Variants in ICMT observed in about 807,000 individuals in gnomAD.
ICMT encodes the protein protein-S-isoprenylcysteine O-methyltransferase.
ICMT carries 10 observed loss-of-function variants against 32.2 expected under a neutral mutation model. The observed-to-expected ratio is 0.31, with a 90% CI of 0.19 to 0.53. The LOEUF (loss-of-function observed/expected upper bound fraction) is 0.53. Among genes scored for constraint, ICMT ranks in the 20% least tolerant of loss-of-function variants. The pLI, the probability that ICMT is intolerant of heterozygous loss-of-function variation, is 0.96. For missense variants in ICMT, 265 were observed against 356.9 expected (o/e 0.74, Z 2.07); for synonymous variants, 183 against 158.2 (o/e 1.16, Z -1.18).
chr1:6,235,266 C>G (rs1053360399), intron 1 of ICMT, among the ~76,000 whole-genome samples: 3 of 152,202 alleles, frequency 2.0e-5, no homozygotes, highest in Non-Finnish European at 4.4e-5. Context: ...ACACTTAAGA[C>G]TAACTGCTAC....
chr1:6,234,648 G>C (rs1286400215), intron 2 of ICMT: 5 of 556,078 alleles, frequency 9.0e-6, no homozygotes, highest in Non-Finnish European at 1.3e-5. Flanking sequence ...GCGGATGACA[G>C]CACCTTTGGG....
At chr1:6,235,108 G>A (rs553577614) in intron 1 of ICMT, 134 bp from the exon 2 acceptor site, 14 of 664,702 alleles carry the variant, frequency 2.1e-5, no homozygotes, top group Middle Eastern at 3.9e-4. Context: ...GGGAGAAGTG[G>A]GCGACCTGGG....
rs918321989 is a variant in ICMT, at chr1:6,223,896, A to C, written c.*1184T>G. 7 of 152,258 alleles carry C rather than the reference A, an allele frequency of 4.6e-5. No individual in the cohort carries two copies. The highest frequency in any genetic ancestry group is 1.4e-4 in the African/African-American group (6 of 41,466). The allele number at this position is 152,258 out of a possible 1,614,324, so 9.4% of individuals were successfully genotyped here. On this transcript the variant is annotated 3_prime_UTR_variant, in exon 5 of 5. Transcript: ENST00000343813. ...CAAGTTCCTGTCTAGTCCAGAATGA[A>C]GCCAGCGTCTCACCTCTTAAAGCTT...
At chr1:6,233,671 T>C (rs1490379331) in intron 2 of ICMT, 28 bp from the exon 3 acceptor site, 2 of 1,595,908 alleles carry the variant, frequency 1.3e-6, no homozygotes, top group African/African-American at 1.3e-5. Context: ...GAGAGTTAAG[T>C]TGGGACAAGA....
At chr1:6,235,035 C>G in intron 1 of ICMT, 61 bp from the exon 2 acceptor site, 1 of 1,397,216 alleles carries the variant, frequency 7.2e-7, no homozygotes, top group East Asian at 2.3e-5. Flanking sequence ...ATCTGGGCTG[C>G]TGACCTTCCC....
At chr1:6,230,656 G>A (rs977167777) in intron 4 of ICMT, among the ~76,000 whole-genome samples, 5 of 149,382 alleles carry the variant, frequency 3.3e-5, no homozygotes, top group Admixed American at 2.0e-4. Context: ...TTGGGAGGCC[G>A]AGGCGGGCAG....
At chr1:6,230,029 G>C (rs1230419664) in intron 4 of ICMT, among the ~76,000 whole-genome samples, 1 of 151,688 alleles carries the variant, frequency 6.6e-6, no homozygotes, top group East Asian at 1.9e-4. Flanking sequence ...CACCATGCCT[G>C]GCCTAATCCC....
Position 6,225,270 on chromosome 1 carries a change from A to T in ICMT, c.673-8T>A. 6.2e-7 allele frequency: 1 copy of T among 1,611,370 alleles called. No individual in the cohort carries two copies. Among genetic ancestry groups the T allele is most frequent in the Non-Finnish European group, 8.5e-7 (1 of 1,178,980 alleles). On this transcript the variant is annotated splice_region_variant and splice_polypyrimidine_tract_variant and intron_variant, in intron 4 of 4. Coordinates refer to ENST00000343813, the MANE Select transcript of ICMT (RefSeq NM_012405.4). ...GGGGTTACACAGCATCACCTAACAGAGGGAGACACCAGGCTCATCAGGGTG... is the reference window on the plus strand; with the variant it reads ...GGGGTTACACAGCATCACCTAACAGTGGGAGACACCAGGCTCATCAGGGTG...
In ICMT at chr1:6,224,977, A is replaced by G; in HGVS notation, c.*103T>C. The G allele has an allele frequency of 3.8e-6, 4 of 1,066,176 alleles. No individual in the cohort carries two copies. The highest frequency in any genetic ancestry group is 3.0e-5 in the South Asian group (2 of 65,986). The allele number at this position is 1,066,176 out of a possible 1,614,324, so 66.0% of individuals were successfully genotyped here. On this transcript the variant is annotated 3_prime_UTR_variant, in exon 5 of 5. Transcript: ENST00000343813. Reference sequence around the variant, plus strand: ...ACATTCCAGAAGAGTGACTAATGACATAAAACGATTAAGAAAATCCATGTG... The same window carrying G: ...ACATTCCAGAAGAGTGACTAATGACGTAAAACGATTAAGAAAATCCATGTG...
At position 6,231,965 on chromosome 1, in the gene ICMT, T is replaced by C; in HGVS notation, c.609A>G (p.Gly203=). The C allele has an allele frequency of 3.1e-6, 5 of 1,613,418 alleles. No individual in the cohort carries two copies. The highest frequency in any genetic ancestry group is 4.2e-6 in the Non-Finnish European group (5 of 1,179,532). Residue 203 remains glycine, a synonymous_variant, in exon 4 of 5, where the codon GGA becomes GGG. Coordinates refer to ENST00000343813, the MANE Select transcript of ICMT (RefSeq NM_012405.4). ...AAGGATGCCGAAACCAAGCGTACACTCCACTGGTCACCAGAGTATGTGTAT... is the reference window on the plus strand; with the variant it reads ...AAGGATGCCGAAACCAAGCGTACACCCCACTGGTCACCAGAGTATGTGTAT... The part of the protein sequence containing the change: ...KSDTHTLVTS[G]VYAWFRHPSY...
intron 3 of ICMT, among the ~76,000 whole-genome samples, chr1:6,233,143 C>T (rs1043439885): frequency 2.0e-4 from 30 of 152,352 alleles, no homozygotes; most frequent in African/African-American, 6.5e-4. Flanking sequence ...CGTTCGCCAC[C>T]GTGCCCGGCC....
chr1:6,229,252 G>A (rs1668692938), intron 4 of ICMT, among the ~76,000 whole-genome samples: 1 of 152,208 alleles, frequency 6.6e-6, no homozygotes, highest in South Asian at 2.1e-4. Context: ...GCCAAGGCAG[G>A]CAGATCACCT....
rs187746028 is a variant in ICMT at position 6,222,827 on chromosome 1, C to G, written c.*2253G>C. On this transcript the variant is annotated 3_prime_UTR_variant, in exon 5 of 5. Transcript: ENST00000343813. ...GCCCTACTTAGAGCAGGGGAAAGAA[C>G]TTTTCCCTCAAAGAGCCGGGGCAGG... is the stretch of plus-strand genomic sequence containing the variant. The G allele has an allele frequency of 2.0e-5, 3 of 152,406 alleles. No individual in the cohort carries two copies. Among genetic ancestry groups the G allele is most frequent in the African/African-American group, 7.2e-5 (3 of 41,598 alleles). The allele number at this position is 152,406 out of a possible 1,614,324, so 9.4% of individuals were successfully genotyped here. A position where few individuals can be genotyped will look rare whatever the true frequency, so the allele number is the denominator to read the frequency against.
rs370297787 is a variant in ICMT, at chr1:6,225,068, G to C, written c.*12C>G. On this transcript the variant is annotated 3_prime_UTR_variant, in exon 5 of 5. Transcript: ENST00000343813. The stretch of plus-strand genomic sequence containing the variant: ...GGGTCGGAGGCCCCAAGGTCACCGG[G>C]GCCACTGCCCGTCACAGGTCCACCT... The C allele has an allele frequency of 2.5e-6, 4 of 1,608,950 alleles. No homozygotes were observed. Among genetic ancestry groups the C allele is most frequent in the Non-Finnish European group, 3.4e-6 (4 of 1,177,134 alleles).
At chr1:6,233,318 C>G (rs1335222532) in intron 3 of ICMT, among the ~76,000 whole-genome samples, 156 bp downstream of exon 3, 2 of 152,250 alleles carry the variant, frequency 1.3e-5, no homozygotes, top group Admixed American at 6.5e-5. Flanking sequence ...AATTCATGAG[C>G]GGAGCTCATC....
chr1:6,234,749 C>G (rs1668791142), intron 2 of ICMT, 137 bp downstream of exon 2: 1 of 711,488 alleles, frequency 1.4e-6, no homozygotes, highest in African/African-American at 1.8e-5. Flanking sequence ...AGGGGGAAGC[C>G]AGGAGACTTC....
At chr1:6,233,398 G>C in intron 3 of ICMT, 76 bp downstream of exon 3, 1 of 1,356,090 alleles carries the variant, frequency 7.4e-7, no homozygotes, top group South Asian at 1.4e-5. Flanking sequence ...CCTGAAAGGT[G>C]AATCAATGTC....
intron 4 of ICMT, among the ~76,000 whole-genome samples, chr1:6,231,073 C>T (rs1215962068): frequency 6.7e-6 from 1 of 150,184 alleles, no homozygotes; most frequent in Non-Finnish European, 1.5e-5. Context: ...CATGGTGGTT[C>T]GTGCCTACAG....
rs1238884754 is a variant in ICMT at position 6,224,030 on chromosome 1, A to G, written c.*1050T>C. ...TATTTAAGATTATTTTTGAGAGTCAATCTGCTTGGATTTGTAGTTGTATAT... is the reference window on the plus strand; with the variant it reads ...TATTTAAGATTATTTTTGAGAGTCAGTCTGCTTGGATTTGTAGTTGTATAT... On this transcript the variant is annotated 3_prime_UTR_variant, in exon 5 of 5. Transcript: ENST00000343813. 6.6e-6 allele frequency: 1 copy of G among 152,204 alleles called. No individual in the cohort carries two copies. Among genetic ancestry groups the G allele is most frequent in the Non-Finnish European group, 1.5e-5 (1 of 68,042 alleles). 9.4% of individuals were successfully genotyped at this position (152,204 alleles called of 1,614,324 possible). A position where few individuals can be genotyped will look rare whatever the true frequency, so the allele number is the denominator to read the frequency against.
Sources: allele counts gnomAD v4.1 joint callset (sites outside exome capture counted in the v4.1 genomes callset), GRCh38; gene constraint gnomAD v4.1.1; transcripts MANE v1.5; gene names NCBI Gene and HGNC (gene_info 2026-07-23, HGNC 2026-07-21).